C13orf42: variants seen among roughly 807,000 people sequenced by gnomAD.
C13orf42 encodes the protein uncharacterized protein C13orf42.
At chr13:51,112,140 G>A (rs1410155140), upstream of C13orf42, among the ~76,000 whole-genome samples, 1 of 152,146 alleles carries the variant, frequency 6.6e-6, no homozygotes, top group Admixed American at 6.5e-5. Context: ...ATTTTTCTCA[G>A]GCAGATGCTA....
intron 1 of C13orf42, among the ~76,000 whole-genome samples, chr13:51,130,316 C>G (rs959309141): frequency 6.6e-6 from 1 of 152,118 alleles, no homozygotes; most frequent in African/African-American, 2.4e-5. Flanking sequence ...GCATTAGATT[C>G]TAGATAAGGC....
chr13:51,087,367 T>C (rs533081972), intron 2 of C13orf42, among the ~76,000 whole-genome samples: 2 of 152,194 alleles, frequency 1.3e-5, no homozygotes, highest in African/African-American at 4.8e-5. Context: ...AGAAGCTGGA[T>C]TCTCAAATAC....
rs1418430575 is a variant in C13orf42 at position 51,097,407 on chromosome 13, C to A, written c.415-9332G>T. Among the ~76,000 whole-genome samples the A allele has an allele frequency of 2.0e-5, 3 of 152,254 alleles. No individual in the cohort carries two copies. The East Asian group carries it at 5.8e-4, about 29-fold the overall frequency. ...TTCTATTGTCCTTTTATAAATTATA[C>A]TTTTAAAGGTCACCAAATGGATTCT... On this transcript the variant is annotated intron_variant, in intron 1 of 3. Transcript: ENST00000563710.
chr13:51,152,950 G>T (rs1036808905), intron 1 of C13orf42, among the ~76,000 whole-genome samples: 2 of 152,142 alleles, frequency 1.3e-5, no homozygotes, highest in Non-Finnish European at 2.9e-5. Context: ...GGGGACACCT[G>T]CTGCGGGGTT....
intron 1 of C13orf42, among the ~76,000 whole-genome samples, chr13:51,094,055 C>T (rs1333342541): frequency 6.6e-6 from 1 of 152,094 alleles, no homozygotes; most frequent in Admixed American, 6.5e-5. Context: ...TCACACTGTC[C>T]TGCATTTTGA....
At chr13:51,130,148 G>T (rs1168894778) in intron 1 of C13orf42, among the ~76,000 whole-genome samples, 1 of 152,172 alleles carries the variant, frequency 6.6e-6, no homozygotes, top group East Asian at 1.9e-4. Context: ...TAGTTCACAT[G>T]ACTTTAGTAA....
chr13:51,159,033 A>G (rs568015655), intron 1 of C13orf42, among the ~76,000 whole-genome samples: 1 of 152,186 alleles, frequency 6.6e-6, no homozygotes, highest in African/African-American at 2.4e-5. Flanking sequence ...ATTTCCTCAC[A>G]GTTCTCAGGG....
chr13:51,095,194 T>C (rs1160098773), intron 1 of C13orf42, among the ~76,000 whole-genome samples: 1 of 152,212 alleles, frequency 6.6e-6, no homozygotes, highest in African/African-American at 2.4e-5. Context: ...GCTTGCATCA[T>C]CTCTGATGAG....
At chr13:51,114,651 T>TAGATAGATAG (rs1555266732), upstream of C13orf42, among the ~76,000 whole-genome samples, 57 of 142,484 alleles carry the variant, frequency 4.0e-4, 1 homozygote, top group Non-Finnish European at 4.4e-4. Context: ...TAGATAGAGA[T>TAGATAGATAG]AGACAGACAG....
At chr13:51,170,616 C>T (rs1370747306) in intron 1 of C13orf42, among the ~76,000 whole-genome samples, 1 of 152,124 alleles carries the variant, frequency 6.6e-6, no homozygotes, top group Non-Finnish European at 1.5e-5. Flanking sequence ...ATGTTTTATC[C>T]ATGAACCCAA....
chr13:51,160,009 G>C (rs1953852357), intron 1 of C13orf42, among the ~76,000 whole-genome samples: 1 of 152,180 alleles, frequency 6.6e-6, no homozygotes, highest in African/African-American at 2.4e-5. Flanking sequence ...ATCAGATCTT[G>C]TGAGACTTAC....
At chr13:51,137,738 G>GT (rs781551703) in intron 1 of C13orf42, among the ~76,000 whole-genome samples, 55 of 152,024 alleles carry the variant, frequency 3.6e-4, no homozygotes, top group Middle Eastern at 6.8e-3. Context: ...TGTATCCATT[G>GT]TAAAAACTCT....
intron 1 of C13orf42, among the ~76,000 whole-genome samples, chr13:51,097,234 T>C (rs1011496834): frequency 6.6e-6 from 1 of 152,228 alleles, no homozygotes; most frequent in African/African-American, 2.4e-5. Context: ...AGTCTTGTCA[T>C]ATGTCATTTT....
intron 1 of C13orf42, among the ~76,000 whole-genome samples, chr13:51,137,458 C>T (rs1953665804): frequency 6.6e-6 from 1 of 152,148 alleles, no homozygotes; most frequent in Non-Finnish European, 1.5e-5. Flanking sequence ...CCAGTCTATG[C>T]TGTCCCTCCC....
intron 1 of C13orf42, among the ~76,000 whole-genome samples, chr13:51,090,052 T>C (rs1464981912): frequency 6.6e-6 from 1 of 151,894 alleles, no homozygotes; most frequent in African/African-American, 2.4e-5. Context: ...GGGCTGGGCA[T>C]GGGATGAGAC....
chr13:51,084,602 T>C (rs890437891), intron 3 of C13orf42, among the ~76,000 whole-genome samples: 1 of 152,204 alleles, frequency 6.6e-6, no homozygotes, highest in Non-Finnish European at 1.5e-5. Flanking sequence ...AAATGCTATC[T>C]AGAAAGCCCC....
chr13:51,155,210 C>A (rs1378447160), intron 1 of C13orf42, among the ~76,000 whole-genome samples: 1 of 152,156 alleles, frequency 6.6e-6, no homozygotes, highest in East Asian at 1.9e-4. Context: ...AAGACCTAAA[C>A]ATTTAAAGAT....
intron 1 of C13orf42, among the ~76,000 whole-genome samples, chr13:51,141,209 T>C (rs1420779211): frequency 6.6e-6 from 1 of 151,166 alleles, no homozygotes; most frequent in Non-Finnish European, 1.5e-5. Flanking sequence ...TAAGACCTTG[T>C]CTTTTTTTTT....
intron 1 of C13orf42, among the ~76,000 whole-genome samples, chr13:51,168,883 T>C (rs1355922665): frequency 6.7e-6 from 1 of 150,166 alleles, no homozygotes; most frequent in East Asian, 2.0e-4. Flanking sequence ...TCTTCCTCCT[T>C]CTCTCGCCAT....
Sources: allele counts gnomAD v4.1 joint callset (sites outside exome capture counted in the v4.1 genomes callset), GRCh38; gene constraint gnomAD v4.1.1; transcripts MANE v1.5; gene names NCBI Gene and HGNC (gene_info 2026-07-23, HGNC 2026-07-21).